RORA: variants seen among roughly 807,000 people sequenced by gnomAD.
RORA encodes the protein nuclear receptor ROR-alpha.
In RORA, 7 loss-of-function variants were observed where a neutral mutation model predicts 69.5. The observed-to-expected ratio is 0.10, with a 90% confidence interval of 0.06 to 0.19. RORA has a LOEUF of 0.19. Ranked by LOEUF, RORA falls within the 10% of genes least tolerant of loss-of-function variation. RORA has a pLI of 1.00. For synonymous variants in RORA, 261 were observed against 240.8 expected (o/e 1.08, Z -0.78); for missense variants, 457 against 663.0 (o/e 0.69, Z 3.41).
chr15:61,084,702 G>C (rs1313708146), intron 1 of RORA, among the ~76,000 whole-genome samples: 1 of 152,136 alleles, frequency 6.6e-6, no homozygotes, highest in Non-Finnish European at 1.5e-5. Context: ...GCACAGAACC[G>C]GGGAAGCAGC....
intron 1 of RORA, among the ~76,000 whole-genome samples, chr15:61,118,649 G>A (rs1480391216): frequency 6.6e-6 from 1 of 152,114 alleles, no homozygotes; most frequent in Non-Finnish European, 1.5e-5. Flanking sequence ...GTGAGAGAGA[G>A]CAGCTCAGGA....
At chr15:60,632,221 T>C (rs1373659789) in intron 2 of RORA, among the ~76,000 whole-genome samples, 1 of 151,948 alleles carries the variant, frequency 6.6e-6, no homozygotes, top group Non-Finnish European at 1.5e-5. Context: ...TTCTCCTGCC[T>C]CAGCCTCCCA....
chr15:60,641,884 C>A (rs566646924), intron 2 of RORA, among the ~76,000 whole-genome samples: 6 of 152,112 alleles, frequency 3.9e-5, no homozygotes, highest in Non-Finnish European at 8.8e-5. Context: ...AAAATAAGGA[C>A]TTATATTTTG....
intron 1 of RORA, among the ~76,000 whole-genome samples, chr15:61,207,294 G>A (rs552537375): frequency 9.6e-4 from 146 of 152,290 alleles, no homozygotes; most frequent in African/African-American, 3.3e-3. Context: ...CCTACAGGAC[G>A]TGCTAGCCAA....
Position 60,503,588 on chromosome 15 carries a change from A to G in RORA, c.1022T>C (p.Ile341Thr), listed in dbSNP as rs1207390590. 6.2e-7 allele frequency: 1 copy of G among 1,614,168 alleles called. No homozygotes were observed. Among genetic ancestry groups the G allele is most frequent in the African/African-American group, 1.3e-5 (1 of 75,046 alleles). ...IQYVVEFAKR[I>T]DGFMELCQND... ...TTGACACAGTTCCATAAATCCATCA[A>G]TGCGTTTGGCAAACTCCACCACATA... Residue 341 changes from isoleucine (I) to threonine (T), a missense_variant, in exon 7 of 11, where the codon ATT (isoleucine) becomes ACT (threonine). Coordinates refer to ENST00000335670, the MANE Select transcript of RORA (RefSeq NM_134261.3).
chr15:60,997,134 C>T (rs1894576333), intron 1 of RORA, among the ~76,000 whole-genome samples: 1 of 151,834 alleles, frequency 6.6e-6, no homozygotes, highest in Non-Finnish European at 1.5e-5. Context: ...TGTTCTCAGA[C>T]GTTTTGATGT....
At position 60,904,217 on chromosome 15, in the gene RORA, T is replaced by A. The variant is rs572362358; in HGVS notation, c.167-225531A>T. ...GGGTTTTACTGAAGGACTTCTCTCTTAATAACGTTTTTCTTTATGATATGA... is the reference window on the plus strand; with the variant it reads ...GGGTTTTACTGAAGGACTTCTCTCTAAATAACGTTTTTCTTTATGATATGA... On this transcript the variant is annotated intron_variant, in intron 1 of 10. Coordinates refer to ENST00000335670, the MANE Select transcript of RORA (RefSeq NM_134261.3). Among the ~76,000 whole-genome samples the A allele has an allele frequency of 7.2e-5, 11 of 152,330 alleles. No individual in the cohort carries two copies. In the South Asian group the frequency reaches 2.1e-3, roughly 29 times the overall value.
At chr15:61,186,732 A>G (rs1055952729) in intron 1 of RORA, among the ~76,000 whole-genome samples, 2 of 150,820 alleles carry the variant, frequency 1.3e-5, no homozygotes, top group Non-Finnish European at 2.9e-5. Flanking sequence ...CAAAATCTGC[A>G]TTTTCCAAGA....
intron 1 of RORA, among the ~76,000 whole-genome samples, chr15:61,110,650 G>A (rs190562780): frequency 6.6e-6 from 1 of 152,226 alleles, no homozygotes; most frequent in African/African-American, 2.4e-5. Context: ...GACCTGCCAG[G>A]GGGACAAGAT....
chr15:60,727,825 C>A (rs2071380531), intron 1 of RORA, among the ~76,000 whole-genome samples: 1 of 152,176 alleles, frequency 6.6e-6, no homozygotes. Flanking sequence ...CACCTGCCTG[C>A]CAAGTGAAAC....
intron 1 of RORA, among the ~76,000 whole-genome samples, chr15:60,906,673 T>C (rs1891551183): frequency 6.6e-6 from 1 of 152,154 alleles, no homozygotes; most frequent in Non-Finnish European, 1.5e-5. Flanking sequence ...GAAGCCAATC[T>C]AGTACCCAGC....
chr15:60,793,901 GT>G (rs2072453017), intron 1 of RORA, among the ~76,000 whole-genome samples: 1 of 152,216 alleles, frequency 6.6e-6, no homozygotes, highest in African/African-American at 2.4e-5. Context: ...TCCCGCCTCA[GT>G]GCCTCTGTGA....
Position 60,493,949 on chromosome 15 carries a change from TCA to T in RORA, c.*3504_*3505del, listed in dbSNP as rs71122860. ...CGCACACACATCATACACATGCAAA[TCA>T]CACACACACACACACACACACACAC... On this transcript the variant is annotated 3_prime_UTR_variant, in exon 11 of 11. Transcript: ENST00000335670. 0.1 allele frequency: 14,416 copies of T among 143,858 alleles called. 759 individuals carry two copies. Among genetic ancestry groups the T allele is most frequent in the South Asian group, 0.19 (835 of 4,368 alleles). 8.9% of individuals were successfully genotyped at this position (143,858 alleles called of 1,614,324 possible). A position where few individuals can be genotyped will look rare whatever the true frequency, so the allele number is the denominator to read the frequency against.
intron 2 of RORA, among the ~76,000 whole-genome samples, chr15:60,561,230 C>G (rs1419208319): frequency 6.6e-6 from 1 of 151,220 alleles, no homozygotes; most frequent in Non-Finnish European, 1.5e-5. Flanking sequence ...TACAGGCGCC[C>G]GCTACCACGC....
At chr15:60,989,847 G>A (rs114189483) in intron 1 of RORA, among the ~76,000 whole-genome samples, 8 of 149,976 alleles carry the variant, frequency 5.3e-5, no homozygotes, top group Non-Finnish European at 1.0e-4. Flanking sequence ...CCCTGAGGTC[G>A]AGTCAGGATT....
chr15:60,735,912 G>A (rs1303038146), intron 1 of RORA, among the ~76,000 whole-genome samples: 1 of 152,192 alleles, frequency 6.6e-6, no homozygotes, highest in African/African-American at 2.4e-5. Flanking sequence ...TGACTTGACT[G>A]GCCAAGCCCA....
chr15:61,139,710 C>T lies in RORA; in HGVS notation c.166+89343G>A, dbSNP rs2079280157. Among the ~76,000 whole-genome samples the T allele has an allele frequency of 2.6e-5, 4 of 152,264 alleles. No individual in the cohort carries two copies. In the South Asian group the frequency reaches 8.3e-4, roughly 32 times the overall value. ...TTGCTCACCAACCTCTTAATGAAAT[C>T]GAGAGAGTCGACTACTCCTGCCTCC... On this transcript the variant is annotated intron_variant, in intron 1 of 10. Transcript: ENST00000335670.
intron 1 of RORA, among the ~76,000 whole-genome samples, chr15:60,908,877 A>T (rs1434981651): frequency 1.4e-4 from 20 of 145,728 alleles, no homozygotes; most frequent in African/African-American, 4.8e-4. Flanking sequence ...ATTTCATTTC[A>T]TTTTTTTTTT....
chr15:61,097,193 C>T (rs1167256002), intron 1 of RORA, among the ~76,000 whole-genome samples: 2 of 152,076 alleles, frequency 1.3e-5, no homozygotes, highest in Non-Finnish European at 2.9e-5. Flanking sequence ...TCCAGAAAGT[C>T]GGGAAAGACT....
Sources: gnomAD v4.1 joint callset for allele counts (sites outside exome capture counted in the v4.1 genomes callset) on GRCh38, gnomAD v4.1.1 for gene constraint, MANE v1.5 for transcripts, NCBI Gene and HGNC (gene_info 2026-07-23, HGNC 2026-07-21) for gene names.